Variants in GPC6 observed in about 807,000 individuals in gnomAD.
GPC6 encodes glypican 6.
GPC6 carries 14 observed loss-of-function variants against 55.2 expected under a neutral mutation model. That is an observed-to-expected ratio of 0.25 (90% CI 0.17 to 0.40). GPC6 has a LOEUF of 0.40. Among genes scored for constraint, GPC6 ranks in the 10% least tolerant of loss-of-function variants. The pLI, the probability that GPC6 is intolerant of heterozygous loss-of-function variation, is 1.00. For missense variants in GPC6, 641 were observed against 708.5 expected (o/e 0.90, Z 1.08); for synonymous variants, 278 against 259.6 (o/e 1.07, Z -0.68).
At chr13:93,266,087 A>T (rs1877315592) in intron 1 of GPC6, among the ~76,000 whole-genome samples, 1 of 152,174 alleles carries the variant, frequency 6.6e-6, no homozygotes. Flanking sequence ...AAAAATGAAG[A>T]CACCTTCAGA....
rs541338877 is a variant in GPC6, at chr13:93,557,255, C to T, written c.319+11834C>T. 2.6e-5 allele frequency among the ~76,000 whole-genome samples: 4 copies of T among 152,202 alleles called. No individual in the cohort carries two copies. In the South Asian group the frequency reaches 8.3e-4, roughly 32 times the overall value. On this transcript the variant is annotated intron_variant, in intron 2 of 8. Transcript: ENST00000377047. ...TCCTATTTTCTGGGTATAATATTCC[C>T]TCCACACATACTTTATGATATTTTG...
chr13:93,654,897 C>T (rs1339283995), intron 2 of GPC6, among the ~76,000 whole-genome samples: 2 of 147,446 alleles, frequency 1.4e-5, no homozygotes, highest in South Asian at 2.1e-4. Context: ...AGTGCAGTGG[C>T]GCGATCTAGG....
intron 6 of GPC6, among the ~76,000 whole-genome samples, chr13:94,331,644 A>G (rs981756097): frequency 6.6e-6 from 1 of 152,184 alleles, no homozygotes; most frequent in African/African-American, 2.4e-5. Context: ...TTGAGTGTCC[A>G]CCTAAAATGG....
At position 93,871,362 on chromosome 13, in the gene GPC6, A is replaced by G. The variant is rs1299407120; in HGVS notation, c.711+40817A>G. ...GCTTTGATCTTAGCCTATTAATTATACTCCCCTTAGCTCTTTAAGGTAATA... is the reference window on the plus strand; with the variant it reads ...GCTTTGATCTTAGCCTATTAATTATGCTCCCCTTAGCTCTTTAAGGTAATA... On this transcript the variant is annotated intron_variant, in intron 3 of 8. Coordinates refer to ENST00000377047, the MANE Select transcript of GPC6 (RefSeq NM_005708.5). Among the ~76,000 whole-genome samples, 7 of 151,850 alleles carry G rather than the reference A, an allele frequency of 4.6e-5. No homozygotes were observed. In the South Asian group the frequency reaches 1.0e-3, roughly 22 times the overall value.
chr13:93,484,347 G>T (rs3904290), intron 1 of GPC6, among the ~76,000 whole-genome samples: 1 of 151,892 alleles, frequency 6.6e-6, no homozygotes, highest in African/African-American at 2.4e-5. Flanking sequence ...GTTAAATCAG[G>T]TATGTCAGTA....
At chr13:93,512,377 A>G (rs1479655467) in intron 1 of GPC6, among the ~76,000 whole-genome samples, 1 of 152,002 alleles carries the variant, frequency 6.6e-6, no homozygotes. Context: ...TTTTAATCCT[A>G]AAGGGATATT....
chr13:93,492,317 CTGTT>C (rs1880048727), intron 1 of GPC6, among the ~76,000 whole-genome samples: 2 of 137,844 alleles, frequency 1.5e-5, no homozygotes, highest in East Asian at 2.1e-4. Flanking sequence ...ATTTGGCTCT[CTGTT>C]TGTCTGTTGT....
chr13:93,626,433 A>T (rs1417503080), intron 2 of GPC6, among the ~76,000 whole-genome samples: 2 of 152,118 alleles, frequency 1.3e-5, no homozygotes, highest in Non-Finnish European at 2.9e-5. Flanking sequence ...GCCACACCCC[A>T]TCTATTCCTT....
intron 4 of GPC6, among the ~76,000 whole-genome samples, chr13:94,246,771 A>G (rs1417403441): frequency 2.0e-5 from 3 of 152,104 alleles, no homozygotes; most frequent in East Asian, 1.9e-4. Context: ...GCTTTGTAAT[A>G]TAATTTAAAA....
intron 2 of GPC6, among the ~76,000 whole-genome samples, chr13:93,618,400 T>C (rs890099334): frequency 5.9e-5 from 9 of 152,106 alleles, no homozygotes; most frequent in Admixed American, 1.3e-4. Flanking sequence ...AATTTTTCAA[T>C]GAAATCAGTG....
At chr13:93,547,841 T>A (rs9524125) in intron 2 of GPC6, among the ~76,000 whole-genome samples, 18,291 of 152,166 alleles carry the variant, frequency 0.12, 1,343 homozygotes, top group East Asian at 0.3. Context: ...CTGTCACAAT[T>A]TCTGCTATTT....
At chr13:93,289,019 T>C (rs1056970696) in intron 1 of GPC6, among the ~76,000 whole-genome samples, 1 of 152,214 alleles carries the variant, frequency 6.6e-6, no homozygotes, top group Non-Finnish European at 1.5e-5. Flanking sequence ...CTTTTCACTA[T>C]GTGGGGAAGT....
chr13:94,252,843 A>G (rs2139039862), intron 4 of GPC6, among the ~76,000 whole-genome samples: 1 of 152,104 alleles, frequency 6.6e-6, no homozygotes, highest in Non-Finnish European at 1.5e-5. Flanking sequence ...TAGAAATGGG[A>G]CTCAAGGATA....
intron 2 of GPC6, among the ~76,000 whole-genome samples, chr13:93,721,505 A>T (rs1363268207): frequency 6.6e-6 from 1 of 151,704 alleles, no homozygotes; most frequent in Non-Finnish European, 1.5e-5. Context: ...AAATTTGCTG[A>T]TGAGATTGAT....
chr13:93,374,739 G>A (rs1037122088), intron 1 of GPC6, among the ~76,000 whole-genome samples: 1 of 152,120 alleles, frequency 6.6e-6, no homozygotes, highest in Non-Finnish European at 1.5e-5. Flanking sequence ...TACTACTATG[G>A]TAGCTATTAC....
chr13:93,560,527 C>G, intron 2 of GPC6, among the ~76,000 whole-genome samples: 1 of 151,586 alleles, frequency 6.6e-6, no homozygotes, highest in East Asian at 2.0e-4. Context: ...GTCCAGCAAA[C>G]AAACAAAATA....
chr13:94,202,907 G>T (rs1298763945), intron 4 of GPC6, among the ~76,000 whole-genome samples: 1 of 151,910 alleles, frequency 6.6e-6, no homozygotes, highest in Non-Finnish European at 1.5e-5. Flanking sequence ...TAGTGCAATA[G>T]GAAATCAAAC....
intron 4 of GPC6, among the ~76,000 whole-genome samples, chr13:94,254,505 T>C (rs1891448299): frequency 6.6e-6 from 1 of 152,068 alleles, no homozygotes; most frequent in Non-Finnish European, 1.5e-5. Context: ...ACGCACCTTA[T>C]CTGTGCTACA....
intron 2 of GPC6, among the ~76,000 whole-genome samples, chr13:93,602,917 T>G (rs1878078678): frequency 6.6e-6 from 1 of 152,214 alleles, no homozygotes; most frequent in African/African-American, 2.4e-5. Flanking sequence ...ATGCAAACAT[T>G]TAACTCTTTG....
Sources: gnomAD v4.1 joint callset for allele counts (sites outside exome capture counted in the v4.1 genomes callset) on GRCh38, gnomAD v4.1.1 for gene constraint, MANE v1.5 for transcripts, NCBI Gene and HGNC (gene_info 2026-07-23, HGNC 2026-07-21) for gene names.